The following PRKRIP1 variants were observed in gnomAD, a reference collection of about 807,000 sequenced individuals.
PRKRIP1 encodes the protein PRKR-interacting protein 1.
PRKRIP1 carries 29 observed loss-of-function variants against 29.3 expected under a neutral mutation model. That is an observed-to-expected ratio of 0.99 (90% CI 0.74 to 1.35). The LOEUF is 1.35. Among genes scored for constraint, PRKRIP1 ranks in the 40% most tolerant of loss-of-function variants. PRKRIP1 has a pLI of 0.00. For missense variants in PRKRIP1, 247 were observed against 236.8 expected, an observed-to-expected ratio of 1.04 and a Z score of -0.28; for synonymous variants, 90 against 85.1, an observed-to-expected ratio of 1.06 and a Z score of -0.32.
chr7:102,407,582 G>A (rs1325077105), intron 5 of PRKRIP1, 84 bp downstream of exon 5: 14 of 1,035,024 alleles, frequency 1.4e-5, no homozygotes, highest in Non-Finnish European at 2.0e-5. Flanking sequence ...CACAGGGACG[G>A]AGAGTTTGGG....
chr7:102,422,362 A>C (rs1279587969), intron 5 of PRKRIP1, among the ~76,000 whole-genome samples: 9 of 145,884 alleles, frequency 6.2e-5, no homozygotes, highest in Non-Finnish European at 1.2e-4. Context: ...TCTGAGACAG[A>C]GTTTCACTCT....
At chr7:102,396,744 G>A (rs1008547718) in intron 1 of PRKRIP1, among the ~76,000 whole-genome samples, 1 of 152,184 alleles carries the variant, frequency 6.6e-6, no homozygotes, top group South Asian at 2.1e-4. Flanking sequence ...TGAGAGCCCA[G>A]CTTGAATCAA....
At chr7:102,405,153 C>G (rs1253575845) in intron 4 of PRKRIP1, among the ~76,000 whole-genome samples, 1 of 152,120 alleles carries the variant, frequency 6.6e-6, no homozygotes, top group African/African-American at 2.4e-5. Flanking sequence ...TCTTGAACTC[C>G]TCACCTCAGG....
intron 4 of PRKRIP1, among the ~76,000 whole-genome samples, chr7:102,406,343 T>G (rs1796221712): frequency 1.3e-5 from 2 of 152,284 alleles, no homozygotes; most frequent in South Asian, 4.1e-4. Flanking sequence ...ACTGAGCTGG[T>G]TGTCGCAGGT....
chr7:102,418,299 C>T (rs1488721143), intron 5 of PRKRIP1, among the ~76,000 whole-genome samples: 2 of 152,114 alleles, frequency 1.3e-5, no homozygotes, highest in Non-Finnish European at 2.9e-5. Flanking sequence ...GTCCACCTGC[C>T]TCGGCCTCCC....
chr7:102,396,418 A>G lies in PRKRIP1; in HGVS notation c.7A>G (p.Ser3Gly), dbSNP rs782769712. The G allele has an allele frequency of 6.3e-6, 10 of 1,578,440 alleles. No individual in the cohort carries two copies. Among genetic ancestry groups the G allele is most frequent in the Middle Eastern group, 2.3e-4 (1 of 4,392 alleles). ...GTGAAACTGGAAGGCTGCCATGGCT[A>G]GCCCAGCCGCCTCCTCGGTGCGACC... MA[S>G]PAASSVRPPR... Residue 3 changes from serine (S) to glycine (G), a missense_variant, in exon 1 of 6, where the codon AGC (serine) becomes GGC (glycine). By Grantham distance (56) the Ser-to-Gly change is moderately conservative (BLOSUM62 0). This residue lies in a region of PRKRIP1 where 105 missense variants were observed against 80.2 expected (regional missense o/e 1.31). Transcript: ENST00000397912.
intron 5 of PRKRIP1, among the ~76,000 whole-genome samples, chr7:102,411,440 C>T (rs1240236092): frequency 6.6e-6 from 1 of 151,736 alleles, no homozygotes; most frequent in Non-Finnish European, 1.5e-5. Flanking sequence ...GGCCGGAGTA[C>T]AGTGTGCAAT....
chr7:102,410,275 C>CT (rs1176235429), intron 5 of PRKRIP1, among the ~76,000 whole-genome samples: 1 of 152,158 alleles, frequency 6.6e-6, no homozygotes, highest in African/African-American at 2.4e-5. Flanking sequence ...TCCTTTTAAG[C>CT]TTTTTGGTCA....
At chr7:102,412,931 GCAGCCT>G (rs1796428984) in intron 5 of PRKRIP1, among the ~76,000 whole-genome samples, 1 of 152,190 alleles carries the variant, frequency 6.6e-6, no homozygotes, top group African/African-American at 2.4e-5. Context: ...GGATTATTCT[GCAGCCT>G]TGAACTCCCC....
chr7:102,405,157 C>A (rs1205711746), intron 4 of PRKRIP1, among the ~76,000 whole-genome samples: 1 of 152,146 alleles, frequency 6.6e-6, no homozygotes, highest in Admixed American at 6.5e-5. Flanking sequence ...GAACTCCTCA[C>A]CTCAGGTGAT....
At chr7:102,414,998 G>A (rs886593579) in intron 5 of PRKRIP1, among the ~76,000 whole-genome samples, 4 of 152,122 alleles carry the variant, frequency 2.6e-5, no homozygotes, top group Admixed American at 6.6e-5. Flanking sequence ...GTTACTTTCC[G>A]AAGAGATAGC....
chr7:102,402,997 C>T (rs1380583930), intron 3 of PRKRIP1, among the ~76,000 whole-genome samples: 1 of 152,010 alleles, frequency 6.6e-6, no homozygotes, highest in Non-Finnish European at 1.5e-5. Context: ...GTCTCAGCCT[C>T]CCGAGTACCT....
Position 102,419,848 on chromosome 7 carries a change from TGTGTGTGTGTG to T in PRKRIP1, c.458-5165_458-5155del, listed in dbSNP as rs1563623537. ...GTGCTACTGTTTTTTTGTGTTTTTG[TGTGTGTGTGTG>T]TGTGTGTGTGTGTGTGTGTGTGTGT... On this transcript the variant is annotated intron_variant, in intron 5 of 5. Transcript: ENST00000397912. 8.4e-3 allele frequency among the ~76,000 whole-genome samples: 35 copies of T among 4,170 alleles called. No individual in the cohort carries two copies. In the East Asian group the frequency reaches 0.35, roughly 41 times the overall value. The allele number at this position is 4,170 out of a possible 152,430, so 2.7% of individuals were successfully genotyped here. A position where few individuals can be genotyped will look rare whatever the true frequency, so the allele number is the denominator to read the frequency against.
At chr7:102,411,937 T>TTTTG (rs141698178) in intron 5 of PRKRIP1, among the ~76,000 whole-genome samples, 2,960 of 151,186 alleles carry the variant, frequency 0.02, 90 homozygotes, top group African/African-American at 0.067. Context: ...GTTGTTGTTG[T>TTTTG]TTTGTTTGTT....
chr7:102,396,596 C>A, intron 1 of PRKRIP1, 59 bp downstream of exon 1: 1 of 1,552,248 alleles, frequency 6.4e-7, no homozygotes, highest in Non-Finnish European at 8.7e-7. Flanking sequence ...CTCTGCAGCG[C>A]TTCAGGGTTC....
At position 102,425,666 on chromosome 7, in the gene PRKRIP1, G is replaced by T; in HGVS notation, c.*555G>T. The T allele has an allele frequency of 5.0e-6, 1 of 198,332 alleles. No homozygotes were observed. Among genetic ancestry groups the T allele is most frequent in the Non-Finnish European group, 1.0e-5 (1 of 96,180 alleles). The allele number at this position is 198,332 out of a possible 1,614,324, so 12.3% of individuals were successfully genotyped here. On this transcript the variant is annotated 3_prime_UTR_variant, in exon 6 of 6. Transcript: ENST00000397912. ...GTCTGCTCCCACTGCAGCTCCCGGT[G>T]CTCTCGTGTTCTGGGAAGGCCTGGG...
chr7:102,425,383 C>G lies in PRKRIP1; in HGVS notation c.*272C>G. ...AGCCTCACCTTGCCACATATTTGAA[C>G]AGTGATGAGTTTGGGGCTGGTTTCT... On this transcript the variant is annotated 3_prime_UTR_variant, in exon 6 of 6. Transcript: ENST00000397912. 1.9e-6 allele frequency: 1 copy of G among 530,224 alleles called. No homozygotes were observed. The highest frequency in any genetic ancestry group is 2.0e-5 in the South Asian group (1 of 50,014). 32.8% of individuals were successfully genotyped at this position (530,224 alleles called of 1,614,324 possible). A position where few individuals can be genotyped will look rare whatever the true frequency, so the allele number is the denominator to read the frequency against.
intron 4 of PRKRIP1, among the ~76,000 whole-genome samples, chr7:102,405,000 C>T (rs189732032): frequency 1.2e-3 from 175 of 151,926 alleles, no homozygotes; most frequent in Non-Finnish European, 1.9e-3. Flanking sequence ...AATCTCGGCT[C>T]ACTGCAACCT....
At chr7:102,423,054 C>G (rs1375052306) in intron 5 of PRKRIP1, 1 of 426,130 alleles carries the variant, frequency 2.3e-6, no homozygotes, top group African/African-American at 2.1e-5. Flanking sequence ...TGCTCCCTTC[C>G]ACAAACATCC....
Sources: gnomAD v4.1 joint callset for allele counts (sites outside exome capture counted in the v4.1 genomes callset) on GRCh38, gnomAD v4.1.1 for gene constraint, gnomAD v4.1.1 regional missense constraint, MANE v1.5 for transcripts, NCBI Gene and HGNC (gene_info 2026-07-23, HGNC 2026-07-21) for gene names.